The following LARGE1 variants were observed in gnomAD, a reference collection of about 807,000 sequenced individuals.
The protein encoded by LARGE1 is LARGE xylosyl- and glucuronyltransferase 1, also known as xylosyl- and glucuronyltransferase LARGE1.
In LARGE1, 43 loss-of-function variants were observed where a neutral mutation model predicts 87.6. That is an observed-to-expected ratio of 0.49 (90% CI 0.38 to 0.63). The LOEUF (loss-of-function observed/expected upper bound fraction) is 0.63. Among genes scored for constraint, LARGE1 ranks in the 30% least tolerant of loss-of-function variants. The probability of loss-of-function intolerance (pLI) is 0.00; values close to 1 mark genes in which losing one functional copy is unlikely to be tolerated. For synonymous variants in LARGE1, 434 were observed against 394.6 expected (o/e 1.10, Z -1.18); for missense variants, 802 against 1,000.2 (o/e 0.80, Z 2.67).
At position 33,455,047 on chromosome 22, in the gene LARGE1, T is replaced by C. The variant is rs1050181943; in HGVS notation, c.788-22782A>G. On this transcript the variant is annotated intron_variant, in intron 6 of 14. Coordinates refer to ENST00000397394, the MANE Select transcript of LARGE1 (RefSeq NM_133642.5). ...CAGATAAGGACTCTCTCCTAGCAAATGCTATTAATGTATTAATATGTGTGT... is the reference window on the plus strand; with the variant it reads ...CAGATAAGGACTCTCTCCTAGCAAACGCTATTAATGTATTAATATGTGTGT... 2.6e-5 allele frequency among the ~76,000 whole-genome samples: 4 copies of C among 152,302 alleles called. No homozygotes were observed. In the East Asian group the frequency reaches 7.7e-4, roughly 29 times the overall value.
chr22:33,871,933 T>A (rs1388993411), intron 1 of LARGE1, among the ~76,000 whole-genome samples: 2 of 145,164 alleles, frequency 1.4e-5, no homozygotes, highest in Admixed American at 7.1e-5. Flanking sequence ...TAGTGTTAAT[T>A]GATCTAAACA....
chr22:33,534,417 C>CA (rs200569382), intron 6 of LARGE1, among the ~76,000 whole-genome samples: 22,241 of 139,130 alleles, frequency 0.16, 2,974 homozygotes, highest in African/African-American at 0.38. Context: ...AACAAACAGA[C>CA]AAAAAAAAAA....
At chr22:33,740,482 G>A (rs2083838323) in intron 2 of LARGE1, among the ~76,000 whole-genome samples, 1 of 152,112 alleles carries the variant, frequency 6.6e-6, no homozygotes, top group African/African-American at 2.4e-5. Context: ...CTTCAGAAAA[G>A]GTCATTATCA....
chr22:33,452,531 T>A (rs1183477414), intron 6 of LARGE1, among the ~76,000 whole-genome samples: 1 of 152,150 alleles, frequency 6.6e-6, no homozygotes, highest in Admixed American at 6.5e-5. Context: ...ACAAGCTCAA[T>A]CTGGAAAACG....
At chr22:33,141,655 A>G in the LARGE1 span, among the ~76,000 whole-genome samples, 1 of 152,200 alleles carries the variant, frequency 6.6e-6, no homozygotes, top group Middle Eastern at 3.2e-3. Context: ...TATTGGCATG[A>G]TGTACATAAA....
intron 13 of LARGE1, among the ~76,000 whole-genome samples, chr22:33,278,587 A>G (rs892116909): frequency 2.0e-5 from 3 of 151,512 alleles, no homozygotes; most frequent in Admixed American, 2.0e-4. Context: ...ACACACACAC[A>G]CGCAGATATT....
At chr22:33,498,081 C>T (rs747171669) in intron 6 of LARGE1, among the ~76,000 whole-genome samples, 2 of 152,026 alleles carry the variant, frequency 1.3e-5, no homozygotes. Flanking sequence ...GACGGGGTTT[C>T]GGCATGTTGG....
chr22:33,496,589 G>C (rs1602111842), intron 6 of LARGE1, among the ~76,000 whole-genome samples: 1 of 152,088 alleles, frequency 6.6e-6, no homozygotes, highest in Non-Finnish European at 1.5e-5. Context: ...ATAAATTTCT[G>C]TTTATGACCC....
intron 5 of LARGE1, among the ~76,000 whole-genome samples, chr22:33,566,937 A>G (rs2078045748): frequency 6.6e-6 from 1 of 152,118 alleles, no homozygotes; most frequent in Non-Finnish European, 1.5e-5. Context: ...CCTCTCATCA[A>G]TTTCAAAAAA....
chr22:33,758,889 G>A (rs909994433), intron 2 of LARGE1, among the ~76,000 whole-genome samples: 1 of 152,130 alleles, frequency 6.6e-6, no homozygotes, highest in Admixed American at 6.5e-5. Context: ...TAGGCACAGG[G>A]CTTAAAGTTA....
At chr22:33,672,458 T>C (rs1441159147) in intron 2 of LARGE1, among the ~76,000 whole-genome samples, 1 of 152,210 alleles carries the variant, frequency 6.6e-6, no homozygotes, top group African/African-American at 2.4e-5. Context: ...TGAGAAAGAC[T>C]TTCCTGGTTC....
intron 2 of LARGE1, among the ~76,000 whole-genome samples, chr22:33,696,911 G>A (rs1417282696): frequency 1.3e-5 from 2 of 152,084 alleles, no homozygotes; most frequent in African/African-American, 4.8e-5. Context: ...GTGAACTGCA[G>A]CACACTTAAC....
intron 11 of LARGE1, among the ~76,000 whole-genome samples, chr22:33,181,564 C>G (rs908376786): frequency 4.0e-5 from 6 of 150,664 alleles, no homozygotes; most frequent in African/African-American, 1.5e-4. Flanking sequence ...TAGTCTCGCT[C>G]TGTCACCAGG....
chr22:33,519,354 C>T (rs551265555), intron 6 of LARGE1, among the ~76,000 whole-genome samples: 2 of 152,216 alleles, frequency 1.3e-5, no homozygotes, highest in African/African-American at 4.8e-5. Context: ...ATTTCTGCCC[C>T]AGAGACAATG....
intron 5 of LARGE1, among the ~76,000 whole-genome samples, chr22:33,586,808 T>G (rs1016790978): frequency 3.3e-5 from 5 of 152,200 alleles, no homozygotes; most frequent in Non-Finnish European, 7.3e-5. Context: ...ATTAATTACC[T>G]TCTCTTTCCT....
Position 33,296,498 on chromosome 22 carries a change from A to G in LARGE1, c.1730+7731T>C, listed in dbSNP as rs576324044. ...GGGCCTATCGGGCAACTGGATCAAT[A>G]AACAGGCTAAGCATAGAACACCTAT... On this transcript the variant is annotated intron_variant, in intron 12 of 14. Coordinates refer to ENST00000397394, the MANE Select transcript of LARGE1 (RefSeq NM_133642.5). 9.4e-4 allele frequency among the ~76,000 whole-genome samples: 143 copies of G among 152,306 alleles called. 2 individuals carry two copies. The South Asian group carries it at 0.01, about 11-fold the overall frequency.
intron 1 of LARGE1, among the ~76,000 whole-genome samples, chr22:33,853,216 G>C (rs538593830): frequency 6.6e-6 from 1 of 152,278 alleles, no homozygotes; most frequent in Admixed American, 6.5e-5. Flanking sequence ...GGTGGAACGT[G>C]GGTCTGCAGA....
At chr22:33,210,657 C>T (rs1924914830) in intron 11 of LARGE1, among the ~76,000 whole-genome samples, 1 of 152,272 alleles carries the variant, frequency 6.6e-6, no homozygotes, top group African/African-American at 2.4e-5. Flanking sequence ...CCTGACCCAC[C>T]ATGCCATGCA....
At chr22:33,090,433 C>T in the LARGE1 span, among the ~76,000 whole-genome samples, 7 of 152,046 alleles carry the variant, frequency 4.6e-5, no homozygotes, top group African/African-American at 1.7e-4. Context: ...GAGGGTCTTA[C>T]TGAGAATAGA....
Sources: gnomAD v4.1 joint callset for allele counts (sites outside exome capture counted in the v4.1 genomes callset) on GRCh38, gnomAD v4.1.1 for gene constraint, MANE v1.5 for transcripts, NCBI Gene and HGNC (gene_info 2026-07-23, HGNC 2026-07-21) for gene names.